ACAD11: variants seen among roughly 807,000 people sequenced by gnomAD.
ACAD11 encodes the protein acyl-Coenzyme A dehydrogenase family, member 11.
ACAD11 carries 83 observed loss-of-function variants against 102.2 expected under a neutral mutation model. That is an observed-to-expected ratio of 0.81 (90% CI 0.68 to 0.97). The LOEUF is 0.97. Among genes scored for constraint, ACAD11 ranks in the 50% least tolerant of loss-of-function variants. The pLI is 0.00. For synonymous variants in ACAD11, 324 were observed against 319.8 expected (o/e 1.01, Z -0.14); for missense variants, 901 against 951.7 (o/e 0.95, Z 0.70).
At chr3:132,627,566 T>C (rs540624423) in intron 8 of ACAD11, among the ~76,000 whole-genome samples, 1 of 152,284 alleles carries the variant, frequency 6.6e-6, no homozygotes, top group Non-Finnish European at 1.5e-5. Context: ...AACCAAACAC[T>C]GCATGCTCTC....
At chr3:132,639,109 C>A (rs940127915) in intron 5 of ACAD11, among the ~76,000 whole-genome samples, 1 of 152,120 alleles carries the variant, frequency 6.6e-6, no homozygotes, top group African/African-American at 2.4e-5. Flanking sequence ...ATAATAAATT[C>A]TTCATGAGAT....
chr3:132,569,577 C>T (rs559418188), intron 17 of ACAD11, among the ~76,000 whole-genome samples: 90 of 152,278 alleles, frequency 5.9e-4, no homozygotes, highest in African/African-American at 2.0e-3. Flanking sequence ...AGATGTCCCT[C>T]AACAGGTAAA....
At chr3:132,613,504 C>G (rs1046122290) in intron 11 of ACAD11, among the ~76,000 whole-genome samples, 1 of 151,972 alleles carries the variant, frequency 6.6e-6, no homozygotes, top group Non-Finnish European at 1.5e-5. Flanking sequence ...GAAGTTCTGG[C>G]CAGGGCAATC....
At chr3:132,655,655 T>C (rs1576629496) in intron 1 of ACAD11, among the ~76,000 whole-genome samples, 1 of 152,226 alleles carries the variant, frequency 6.6e-6, no homozygotes, top group Admixed American at 6.5e-5. Context: ...TTTCCTATTC[T>C]CTTTTCCTCC....
intron 16 of ACAD11, 130 bp downstream of exon 16, chr3:132,576,814 C>T: frequency 2.8e-6 from 2 of 708,182 alleles, no homozygotes; most frequent in Non-Finnish European, 4.7e-6. Context: ...ACCGCAATAA[C>T]TTTTGCACGA....
At chr3:132,560,735 T>C (rs936954050) in intron 18 of ACAD11, among the ~76,000 whole-genome samples, 4 of 152,112 alleles carry the variant, frequency 2.6e-5, no homozygotes, top group African/African-American at 9.7e-5. Flanking sequence ...ATCATCTTGG[T>C]TACTCTTCAC....
chr3:132,568,800 G>A (rs1422723905), intron 17 of ACAD11, among the ~76,000 whole-genome samples: 8 of 48,098 alleles, frequency 1.7e-4, no homozygotes, highest in Middle Eastern at 0.017. Context: ...ACATCCACAG[G>A]CAAAAAAAAA....
Position 132,561,594 on chromosome 3 carries a change from T to A in ACAD11, c.2002-377A>T, listed in dbSNP as rs565658283. 8.5e-5 allele frequency among the ~76,000 whole-genome samples: 13 copies of A among 152,334 alleles called. No homozygotes were observed. In the South Asian group the frequency reaches 2.5e-3, roughly 29 times the overall value. On this transcript the variant is annotated intron_variant, in intron 17 of 19. Coordinates refer to ENST00000264990, the MANE Select transcript of ACAD11 (RefSeq NM_032169.5). ...TGTCATGGAAACTTGGCTAAATGTA[T>A]GGTAGTGAAGCTGCTTACAGGTAAA...
chr3:132,626,128 A>G (rs562546654), intron 9 of ACAD11, among the ~76,000 whole-genome samples: 2 of 152,310 alleles, frequency 1.3e-5, no homozygotes, highest in East Asian at 3.9e-4. Flanking sequence ...ATGTCTTATT[A>G]TCTATTTACA....
At chr3:132,611,445 C>T (rs1576588641) in intron 11 of ACAD11, among the ~76,000 whole-genome samples, 1 of 152,096 alleles carries the variant, frequency 6.6e-6, no homozygotes, top group African/African-American at 2.4e-5. Context: ...TTCCTGTTTG[C>T]AGATGACATG....
chr3:132,628,620 GTCATAC>G (rs753341330), intron 7 of ACAD11, among the ~76,000 whole-genome samples, 174 bp from the exon 8 acceptor site: 16 of 152,066 alleles, frequency 1.1e-4, no homozygotes, highest in South Asian at 2.1e-4. Flanking sequence ...CTTCTAAAGA[GTCATAC>G]TCATATCATA....
intron 4 of ACAD11, among the ~76,000 whole-genome samples, chr3:132,640,125 T>G (rs1282210300): frequency 6.6e-6 from 1 of 151,976 alleles, no homozygotes; most frequent in Non-Finnish European, 1.5e-5. Flanking sequence ...TTACTTTTTT[T>G]TTTTTTGAGA....
chr3:132,620,463 C>A (rs73860768), intron 9 of ACAD11: 100 of 152,266 alleles, frequency 6.6e-4, no homozygotes, highest in African/African-American at 2.3e-3. Context: ...AATTCCAGAA[C>A]ATGAGTTCAA....
intron 11 of ACAD11, among the ~76,000 whole-genome samples, chr3:132,616,950 C>G (rs948634986): frequency 6.6e-6 from 1 of 152,188 alleles, no homozygotes; most frequent in Non-Finnish European, 1.5e-5. Flanking sequence ...GATGCCAAAG[C>G]AATGAGACAA....
At position 132,603,261 on chromosome 3, in the gene ACAD11, T is replaced by C. The variant is rs755705218; in HGVS notation, c.1589A>G (p.Tyr530Cys). Residue 530 changes from tyrosine (Y) to cysteine (C), a missense_variant, in exon 13 of 20, where the codon TAT (tyrosine) becomes TGT (cysteine). Physicochemically the swap from Tyr to Cys is radical, Grantham distance 194 (BLOSUM62 -2). Coordinates refer to ENST00000264990, the MANE Select transcript of ACAD11 (RefSeq NM_032169.5). ...CCACCATTTTTTGCCGTTAATTACA[T>C]AGCTATCTTCATCTCGTTGGATGCT... ...ECSIQRDEDSYVINGKKWWSS... is the reference protein window; with the variant it reads ...ECSIQRDEDSCVINGKKWWSS... 15 of 1,613,994 alleles carry C rather than the reference T, an allele frequency of 9.3e-6. No individual in the cohort carries two copies. The highest frequency in any genetic ancestry group is 6.7e-5 in the Admixed American group (4 of 60,010).
chr3:132,578,485 T>G (rs1433706340), intron 15 of ACAD11: 1 of 153,532 alleles, frequency 6.5e-6, no homozygotes, highest in Non-Finnish European at 1.4e-5. Flanking sequence ...ATTAATCCAT[T>G]TTTATGAATG....
Position 132,642,751 on chromosome 3 carries a change from C to G in ACAD11, c.301G>C (p.Val101Leu). ...CTGCAGTACAGTATAGGCTTGGGAACGGGGAATCCAATTGAAAACAAGGCT... is the reference window on the plus strand; with the variant it reads ...CTGCAGTACAGTATAGGCTTGGGAAGGGGGAATCCAATTGAAAACAAGGCT... ...QKALFSIGFP[V>L]PKPILYCSDT... Residue 101 changes from valine to leucine, a missense_variant, in exon 3 of 20, where the codon GTT (valine) becomes CTT (leucine). By Grantham distance (32) the Val-to-Leu change is conservative (BLOSUM62 1). Coordinates refer to ENST00000264990, the MANE Select transcript of ACAD11 (RefSeq NM_032169.5). 1.2e-6 allele frequency: 2 copies of G among 1,613,254 alleles called. No homozygotes were observed. The highest frequency in any genetic ancestry group is 2.2e-5 in the South Asian group (2 of 90,860).
chr3:132,635,955 T>C (rs1455322472), intron 5 of ACAD11, among the ~76,000 whole-genome samples: 1 of 152,148 alleles, frequency 6.6e-6, no homozygotes, highest in Non-Finnish European at 1.5e-5. Context: ...CATCATTCTA[T>C]TTGTTATCTA....
chr3:132,646,121 C>T (rs1303675904), intron 1 of ACAD11, among the ~76,000 whole-genome samples: 3 of 152,066 alleles, frequency 2.0e-5, no homozygotes, highest in Non-Finnish European at 4.4e-5. Flanking sequence ...GGACTACAGG[C>T]GCCCGCCACC....
Sources: allele counts gnomAD v4.1 joint callset (sites outside exome capture counted in the v4.1 genomes callset), GRCh38; gene constraint gnomAD v4.1.1; transcripts MANE v1.5; gene names NCBI Gene and HGNC (gene_info 2026-07-23, HGNC 2026-07-21).